MNAT1: variants seen among roughly 807,000 people sequenced by gnomAD.
MNAT1 encodes MNAT1 component of CDK activating kinase, also known as CDK-activating kinase assembly factor MAT1.
A neutral mutation model predicts 42.0 loss-of-function variants in MNAT1; 43 were observed. That is an observed-to-expected ratio of 1.02 (90% CI 0.80 to 1.32). MNAT1 has a LOEUF of 1.32. Ranked by LOEUF, MNAT1 falls within the 40% of genes most tolerant of loss-of-function variation. The probability of loss-of-function intolerance (pLI) is 0.00; values close to 1 mark genes in which losing one functional copy is unlikely to be tolerated. For synonymous variants in MNAT1, 118 were observed against 120.0 expected, an observed-to-expected ratio of 0.98 and a Z score of 0.11; for missense variants, 306 against 350.4, an observed-to-expected ratio of 0.87 and a Z score of 1.01.
intron 1 of MNAT1, chr14:60,780,419 T>A (rs1040817302): frequency 8.3e-6 from 13 of 1,566,556 alleles, no homozygotes; most frequent in Non-Finnish European, 1.1e-5. Flanking sequence ...GTTGGAAGTT[T>A]CTTGTTCATT....
intron 6 of MNAT1, among the ~76,000 whole-genome samples, chr14:60,836,804 G>A (rs2033402311): frequency 6.6e-6 from 1 of 152,182 alleles, no homozygotes; most frequent in Admixed American, 6.5e-5. Flanking sequence ...GAGCTGGCAG[G>A]CAGGAACGTT....
At chr14:60,921,047 T>C (rs888955796) in intron 7 of MNAT1, among the ~76,000 whole-genome samples, 2 of 152,210 alleles carry the variant, frequency 1.3e-5, no homozygotes, top group African/African-American at 4.8e-5. Context: ...AATTCATGCT[T>C]TTAATTTCTC....
At chr14:60,742,082 A>T (rs578178243) in intron 1 of MNAT1, among the ~76,000 whole-genome samples, 47 of 150,526 alleles carry the variant, frequency 3.1e-4, no homozygotes, top group Non-Finnish European at 7.0e-4. Context: ...TTTTTTATTT[A>T]TTTTTATTTT....
chr14:60,958,613 T>C (rs951339869), intron 7 of MNAT1, among the ~76,000 whole-genome samples: 2 of 21,374 alleles, frequency 9.4e-5, no homozygotes, highest in Non-Finnish European at 1.1e-3. Flanking sequence ...TTCTTTCTTT[T>C]TCCTTCTTTC....
intron 1 of MNAT1, chr14:60,753,864 T>C (rs1021056633): frequency 6.6e-6 from 1 of 152,202 alleles, no homozygotes; most frequent in African/African-American, 2.4e-5. Context: ...GGGTTGCTTG[T>C]ATAACCAATC....
At chr14:60,945,953 C>G (rs1012137217) in intron 7 of MNAT1, among the ~76,000 whole-genome samples, 1 of 152,182 alleles carries the variant, frequency 6.6e-6, no homozygotes, top group Non-Finnish European at 1.5e-5. Context: ...AATACATTCT[C>G]TCCAAAGCCA....
At chr14:60,760,041 GA>G (rs2030530642) in intron 1 of MNAT1, among the ~76,000 whole-genome samples, 1 of 151,836 alleles carries the variant, frequency 6.6e-6, no homozygotes. Context: ...TGAAGTGAGA[GA>G]AACTGAAATG....
At position 60,941,663 on chromosome 14, in the gene MNAT1, C is replaced by G. The variant is rs192840194; in HGVS notation, c.810-26566C>G. The stretch of plus-strand genomic sequence containing the variant: ...CAAGGCTGGTGCTAAGATTGTGCCA[C>G]TGTACTCCAGTGTGAGCAATAGAGT... On this transcript the variant is annotated intron_variant, in intron 7 of 7. Coordinates refer to ENST00000261245, the MANE Select transcript of MNAT1 (RefSeq NM_002431.4). Among the ~76,000 whole-genome samples the G allele has an allele frequency of 1.7e-3, 256 of 151,410 alleles. 2 individuals are homozygous for G. Among genetic ancestry groups the G allele is most frequent in the African/African-American group, 5.9e-3 (244 of 41,222 alleles).
intron 5 of MNAT1, among the ~76,000 whole-genome samples, chr14:60,816,675 A>G (rs1052709150): frequency 6.6e-6 from 1 of 152,084 alleles, no homozygotes; most frequent in Non-Finnish European, 1.5e-5. Flanking sequence ...GAAAGGCTAA[A>G]TCTGCATGTT....
chr14:60,872,230 C>T (rs541995578), intron 6 of MNAT1, among the ~76,000 whole-genome samples: 6 of 152,056 alleles, frequency 3.9e-5, no homozygotes, highest in Non-Finnish European at 5.9e-5. Context: ...CCAGCTCTCA[C>T]GTGAACTAAT....
At chr14:60,753,002 T>A (rs1478388051) in intron 1 of MNAT1, among the ~76,000 whole-genome samples, 1 of 152,228 alleles carries the variant, frequency 6.6e-6, no homozygotes, top group African/African-American at 2.4e-5. Context: ...TGACCTCAGG[T>A]GACCCACCCA....
chr14:60,904,375 T>G (rs1245718796), intron 7 of MNAT1, among the ~76,000 whole-genome samples: 1 of 152,216 alleles, frequency 6.6e-6, no homozygotes, highest in Non-Finnish European at 1.5e-5. Context: ...GTATTTGTTT[T>G]TTTGTTTGTT....
chr14:60,823,176 G>A (rs1168728965), intron 6 of MNAT1, among the ~76,000 whole-genome samples: 2 of 152,136 alleles, frequency 1.3e-5, no homozygotes, highest in African/African-American at 4.8e-5. Context: ...TGGCTTTAAG[G>A]TCAACAACCT....
intron 5 of MNAT1, among the ~76,000 whole-genome samples, chr14:60,813,748 A>C (rs927735684): frequency 3.9e-5 from 6 of 152,156 alleles, no homozygotes; most frequent in African/African-American, 1.4e-4. Flanking sequence ...TAGTGATAAG[A>C]ATTATGAAAA....
chr14:60,754,446 C>G (rs1478897627), intron 1 of MNAT1, among the ~76,000 whole-genome samples: 1 of 150,688 alleles, frequency 6.6e-6, no homozygotes, highest in Non-Finnish European at 1.5e-5. Context: ...CTCCCAGGTT[C>G]AAGCGATTCT....
intron 7 of MNAT1, among the ~76,000 whole-genome samples, chr14:60,912,273 C>A (rs1010108672): frequency 6.6e-6 from 1 of 151,998 alleles, no homozygotes; most frequent in Non-Finnish European, 1.5e-5. Flanking sequence ...GACTCTTTAT[C>A]CAGTTTGCCA....
At chr14:60,817,580 T>C (rs2032753659) in intron 5 of MNAT1, among the ~76,000 whole-genome samples, 1 of 152,068 alleles carries the variant, frequency 6.6e-6, no homozygotes, top group African/African-American at 2.4e-5. Flanking sequence ...TTATTTGAGT[T>C]ATTTCTATAC....
rs57354716 is a variant in MNAT1 at position 60,929,170 on chromosome 14, A to AAT, written c.810-39036_810-39035dup. 1.0e-2 allele frequency among the ~76,000 whole-genome samples: 473 copies of AAT among 47,390 alleles called. 14 individuals are homozygous for AAT. Among genetic ancestry groups the AAT allele is most frequent in the Middle Eastern group, 0.034 (2 of 58 alleles). The allele number at this position is 47,390 out of a possible 152,430, so 31.1% of individuals were successfully genotyped here. A position where few individuals can be genotyped will look rare whatever the true frequency, so the allele number is the denominator to read the frequency against. On this transcript the variant is annotated intron_variant, in intron 7 of 7. Transcript: ENST00000261245. ...TCCCAAAAAAAAAAAAAAAAAAAAA[A>AAT]ATATATATATATATATATATATATG...
At chr14:60,833,403 G>A (rs2033281594) in intron 6 of MNAT1, among the ~76,000 whole-genome samples, 1 of 152,136 alleles carries the variant, frequency 6.6e-6, no homozygotes, top group South Asian at 2.1e-4. Context: ...ATTGAATTTT[G>A]TTGAAGGCCT....
Sources: allele counts gnomAD v4.1 joint callset (sites outside exome capture counted in the v4.1 genomes callset), GRCh38; gene constraint gnomAD v4.1.1; transcripts MANE v1.5; gene names NCBI Gene and HGNC (gene_info 2026-07-23, HGNC 2026-07-21).